The following ZNF732 variants were observed in gnomAD, a reference collection of about 807,000 sequenced individuals.
ZNF732 encodes the protein zinc finger protein 732.
In ZNF732, 12 loss-of-function variants were observed where a neutral mutation model predicts 11.5. The observed-to-expected ratio is 1.05, with a 90% CI of 0.67 to 1.70. The LOEUF is 1.70. ZNF732 is among the 40% of genes most tolerant of loss of function. The probability of loss-of-function intolerance (pLI) is 0.00; values close to 1 mark genes in which losing one functional copy is unlikely to be tolerated. For missense variants in ZNF732, 702 were observed against 676.9 expected (o/e 1.04, Z -0.41); for synonymous variants, 231 against 236.5 (o/e 0.98, Z 0.21).
intron 1 of ZNF732, among the ~76,000 whole-genome samples, chr4:298,446 C>T (rs797023790): frequency 1.3e-5 from 2 of 151,914 alleles, no homozygotes; most frequent in Non-Finnish European, 2.9e-5. Context: ...CCTGGAGCAA[C>T]TCTTATTTGG....
intron 3 of ZNF732, among the ~76,000 whole-genome samples, chr4:284,480 T>C (rs1443696286): frequency 6.6e-6 from 1 of 152,130 alleles, no homozygotes; most frequent in Non-Finnish European, 1.5e-5. Flanking sequence ...TCTCAAACAC[T>C]GTAACTTTAA....
intron 3 of ZNF732, among the ~76,000 whole-genome samples, chr4:293,149 A>G (rs1286488024): frequency 2.0e-5 from 3 of 147,866 alleles, no homozygotes; most frequent in Non-Finnish European, 4.5e-5. Flanking sequence ...TTCTGGGTAC[A>G]CTACCAAAGG....
chr4:301,575 G>A (rs1052673137), intron 1 of ZNF732, among the ~76,000 whole-genome samples: 4 of 152,178 alleles, frequency 2.6e-5, no homozygotes, highest in East Asian at 3.9e-4. Context: ...GTAGGGACAT[G>A]GATGAAGCTG....
chr4:289,604 G>C (rs1719799769), intron 3 of ZNF732, among the ~76,000 whole-genome samples: 1 of 152,190 alleles, frequency 6.6e-6, no homozygotes, highest in African/African-American at 2.4e-5. Context: ...AAATGCTGCA[G>C]ATTTGCAGCC....
At chr4:274,555 C>A (rs1048924799) in intron 3 of ZNF732, among the ~76,000 whole-genome samples, 13 of 151,420 alleles carry the variant, frequency 8.6e-5, no homozygotes, top group Non-Finnish European at 1.8e-4. Flanking sequence ...AGTTTCCATT[C>A]AAAATACATG....
chr4:299,463 A>ATATATATATATACACATATGTG (rs1720053332), intron 1 of ZNF732, among the ~76,000 whole-genome samples: 2 of 60,194 alleles, frequency 3.3e-5, no homozygotes, highest in Non-Finnish European at 6.2e-5. Context: ...ACATATGTGT[A>ATATATATATATACACATATGTG]TATATATATA....
rs377351763 is a variant in ZNF732, at chr4:286,824, A to C, written c.226+8614T>G. On this transcript the variant is annotated intron_variant, in intron 3 of 3. Transcript: ENST00000419098. ...CAGCCTGGTATGCATTAAAGATTGAATTATACAATACCTCCTTTCAGACCA... is the reference window on the plus strand; with the variant it reads ...CAGCCTGGTATGCATTAAAGATTGACTTATACAATACCTCCTTTCAGACCA... Among the ~76,000 whole-genome samples the C allele has an allele frequency of 4.6e-5, 7 of 152,276 alleles. No individual in the cohort carries two copies. The South Asian group carries it at 6.2e-4, about 14-fold the overall frequency.
rs547920629 is a variant in ZNF732 at position 298,719 on chromosome 4, A to G, written c.4-2564T>C. Among the ~76,000 whole-genome samples the G allele has an allele frequency of 2.0e-5, 3 of 152,334 alleles. No individual in the cohort carries two copies. In the South Asian group the frequency reaches 6.2e-4, roughly 32 times the overall value. On this transcript the variant is annotated intron_variant, in intron 1 of 3. Coordinates refer to ENST00000419098, the MANE Select transcript of ZNF732 (RefSeq NM_001137608.3). ...AATGAAACAGCCCTGGTGAAGCTGCAGATCCTGGATCCAGACGTGATAGCC... is the reference window on the plus strand; with the variant it reads ...AATGAAACAGCCCTGGTGAAGCTGCGGATCCTGGATCCAGACGTGATAGCC...
intron 3 of ZNF732, among the ~76,000 whole-genome samples, chr4:287,828 T>C (rs1719763807): frequency 6.6e-6 from 1 of 152,130 alleles, no homozygotes; most frequent in African/African-American, 2.4e-5. Context: ...TACTGGCTCA[T>C]ATAATAACTG....
intron 3 of ZNF732, among the ~76,000 whole-genome samples, chr4:280,276 T>C (rs1336922558): frequency 2.8e-4 from 38 of 134,240 alleles, no homozygotes; most frequent in African/African-American, 9.8e-4. Flanking sequence ...ATCTTTGACA[T>C]GCAATGTACA....
rs73791818 is a variant in ZNF732, at chr4:292,104, A to C, written c.226+3334T>G. Among the ~76,000 whole-genome samples the C allele has an allele frequency of 2.9e-3, 441 of 152,240 alleles. 1 individual carries two copies. Among genetic ancestry groups the C allele is most frequent in the African/African-American group, 9.9e-3 (411 of 41,536 alleles). On this transcript the variant is annotated intron_variant, in intron 3 of 3. Coordinates refer to ENST00000419098, the MANE Select transcript of ZNF732 (RefSeq NM_001137608.3). The stretch of plus-strand genomic sequence containing the variant: ...TCAATATAAGATAAAAAACCTTAGA[A>C]CTCCCGAAGAACATATATGGAAAAG...
intron 3 of ZNF732, among the ~76,000 whole-genome samples, chr4:282,398 C>A (rs1412978495): frequency 5.3e-5 from 8 of 151,994 alleles, no homozygotes; most frequent in African/African-American, 1.9e-4. Flanking sequence ...GCTATTTATT[C>A]TTTTTTTAAA....
chr4:280,110 GAA>G (rs1195160507), intron 3 of ZNF732, among the ~76,000 whole-genome samples: 14 of 151,726 alleles, frequency 9.2e-5, no homozygotes, highest in Non-Finnish European at 2.9e-5. Context: ...GAACCTACAT[GAA>G]AAAAGACTCC....
chr4:282,235 T>C (rs1289296056), intron 3 of ZNF732, among the ~76,000 whole-genome samples: 2 of 152,172 alleles, frequency 1.3e-5, no homozygotes, highest in East Asian at 1.9e-4. Context: ...GTGACATAAA[T>C]AGTGTGTTGA....
At chr4:293,741 G>A (rs1306710783) in intron 3 of ZNF732, among the ~76,000 whole-genome samples, 3 of 152,024 alleles carry the variant, frequency 2.0e-5, no homozygotes, top group Non-Finnish European at 4.4e-5. Context: ...TAATAGATGT[G>A]TTGATCAACT....
rs781938228 is a variant in ZNF732 at position 295,525 on chromosome 4, T to G, written c.139A>C (p.Ile47Leu). 6.2e-7 allele frequency: 1 copy of G among 1,611,632 alleles called. No individual in the cohort carries two copies. Among genetic ancestry groups the G allele is most frequent in the Non-Finnish European group, 8.5e-7 (1 of 1,178,768 alleles). ...YRNLISLGVA[I>L]SNPDLVIYLE... is the part of the protein sequence containing the mutation. ...TAGATGACCAGGTCTGGGTTAGAGATAGCAACACCTGTTTATTTTAAAAAA... is the reference window on the plus strand; with the variant it reads ...TAGATGACCAGGTCTGGGTTAGAGAGAGCAACACCTGTTTATTTTAAAAAA... Residue 47 changes from isoleucine to leucine, a missense_variant, in exon 3 of 4, where the codon ATC becomes CTC. By Grantham distance (5) the Ile-to-Leu change is conservative. Around this residue, in one of 3 missense-constraint regions of ZNF732, gnomAD observed 596 missense variants for 557.9 expected, o/e 1.07. Coordinates refer to ENST00000419098, the MANE Select transcript of ZNF732 (RefSeq NM_001137608.3).
intron 3 of ZNF732, among the ~76,000 whole-genome samples, chr4:288,308 A>G (rs1311181062): frequency 6.6e-6 from 1 of 152,216 alleles, no homozygotes; most frequent in Non-Finnish European, 1.5e-5. Flanking sequence ...TATATGTAAG[A>G]AAACATTGCT....
In ZNF732 at chr4:282,758, T is replaced by A. The variant is rs1719642583; in HGVS notation, c.227-10128A>T. Reference sequence around the variant, plus strand: ...CTAGACTTTTTAAACTATGAGATATTTTATGGTCCCTTGGAAATTACAAAA... The same window carrying A: ...CTAGACTTTTTAAACTATGAGATATATTATGGTCCCTTGGAAATTACAAAA... On this transcript the variant is annotated intron_variant, in intron 3 of 3. Transcript: ENST00000419098. 2.0e-5 allele frequency among the ~76,000 whole-genome samples: 3 copies of A among 152,112 alleles called. No individual in the cohort carries two copies. The South Asian group carries it at 6.3e-4, about 32-fold the overall frequency.
At chr4:286,352 CAAATG>C (rs1327525218) in intron 3 of ZNF732, among the ~76,000 whole-genome samples, 1 of 152,144 alleles carries the variant, frequency 6.6e-6, no homozygotes, top group Non-Finnish European at 1.5e-5. Flanking sequence ...CATGTATTAT[CAAATG>C]AAGAGTAATT....
Sources: allele counts gnomAD v4.1 joint callset (sites outside exome capture counted in the v4.1 genomes callset), GRCh38; gene constraint gnomAD v4.1.1; regional missense constraint gnomAD v4.1.1; transcripts MANE v1.5; gene names NCBI Gene and HGNC (gene_info 2026-07-23, HGNC 2026-07-21).